The following SRGAP1 variants were observed in gnomAD, a reference collection of about 807,000 sequenced individuals.
SRGAP1 encodes SLIT-ROBO Rho GTPase-activating protein 1.
Under a neutral mutation model 121.9 loss-of-function variants are expected in SRGAP1, and 43 were observed. The observed-to-expected ratio is 0.35, with a 90% CI of 0.28 to 0.46. The LOEUF (loss-of-function observed/expected upper bound fraction) is 0.46. Ranked by LOEUF, SRGAP1 falls within the 20% of genes least tolerant of loss-of-function variation. SRGAP1 has a pLI of 1.00. For synonymous variants in SRGAP1, 447 were observed against 485.4 expected (o/e 0.92, Z 1.04); for missense variants, 1,102 against 1,350.9 (o/e 0.82, Z 2.89).
At chr12:63,897,544 A>G (rs1754227088) in intron 1 of SRGAP1, among the ~76,000 whole-genome samples, 1 of 152,214 alleles carries the variant, frequency 6.6e-6, no homozygotes, top group Non-Finnish European at 1.5e-5. Flanking sequence ...TCTAAAAGGA[A>G]TTCAGTTAGC....
At chr12:63,993,421 A>G (rs2033610390) in intron 3 of SRGAP1, among the ~76,000 whole-genome samples, 1 of 152,312 alleles carries the variant, frequency 6.6e-6, no homozygotes, top group African/African-American at 2.4e-5. Flanking sequence ...CCTATTTTCT[A>G]TCAAAATGGA....
At chr12:63,949,761 C>T (rs1327029791) in intron 1 of SRGAP1, among the ~76,000 whole-genome samples, 1 of 152,108 alleles carries the variant, frequency 6.6e-6, no homozygotes, top group African/African-American at 2.4e-5. Context: ...AATTTTATAA[C>T]TTTGAAGCAG....
chr12:64,095,231 A>G, intron 14 of SRGAP1, 27 bp downstream of exon 14: 2 of 1,600,496 alleles, frequency 1.2e-6, no homozygotes, highest in Non-Finnish European at 1.7e-6. Context: ...CCCTATAAGC[A>G]AACCACGTTG....
intron 17 of SRGAP1, among the ~76,000 whole-genome samples, chr12:64,114,989 A>G (rs1408835543): frequency 6.6e-6 from 1 of 152,184 alleles, no homozygotes; most frequent in African/African-American, 2.4e-5. Context: ...TTATCAGCAC[A>G]CAGTTGAGGA....
chr12:63,900,419 T>C (rs2029878396), intron 1 of SRGAP1, among the ~76,000 whole-genome samples: 1 of 151,760 alleles, frequency 6.6e-6, no homozygotes, highest in Non-Finnish European at 1.5e-5. Flanking sequence ...GTTAGCCAGA[T>C]AGTATCAATC....
intron 1 of SRGAP1, among the ~76,000 whole-genome samples, chr12:63,846,285 C>T (rs1231902361): frequency 6.6e-6 from 1 of 152,120 alleles, no homozygotes; most frequent in East Asian, 1.9e-4. Context: ...TCTAATGAGA[C>T]TAACCTTTCT....
At chr12:63,936,027 G>A (rs1318237035) in intron 1 of SRGAP1, among the ~76,000 whole-genome samples, 2 of 152,202 alleles carry the variant, frequency 1.3e-5, no homozygotes, top group Non-Finnish European at 2.9e-5. Flanking sequence ...TATCTCCTCT[G>A]ATGAGAGTAG....
chr12:63,978,352 C>G (rs2033147635), intron 1 of SRGAP1, among the ~76,000 whole-genome samples: 1 of 152,168 alleles, frequency 6.6e-6, no homozygotes, highest in Admixed American at 6.5e-5. Context: ...ACTTCGCACC[C>G]CTTAGCAGCC....
At chr12:63,855,381 T>C (rs1899204048) in intron 1 of SRGAP1, among the ~76,000 whole-genome samples, 1 of 151,652 alleles carries the variant, frequency 6.6e-6, no homozygotes, top group South Asian at 2.1e-4. Context: ...ATATAGTCTC[T>C]CTGGATGGCC....
intron 1 of SRGAP1, among the ~76,000 whole-genome samples, chr12:63,944,251 TTA>T (rs1217413146): frequency 6.6e-6 from 1 of 152,184 alleles, no homozygotes; most frequent in Non-Finnish European, 1.5e-5. Flanking sequence ...GGGTTTTGTC[TTA>T]GTCAGTTTGG....
intron 7 of SRGAP1, among the ~76,000 whole-genome samples, chr12:64,063,882 A>G (rs1008973048): frequency 3.3e-5 from 5 of 151,832 alleles, no homozygotes; most frequent in Admixed American, 6.6e-5. Flanking sequence ...CTTTAATGCT[A>G]TGTTTTTTTC....
At chr12:63,894,075 G>T (rs1336114552) in intron 1 of SRGAP1, among the ~76,000 whole-genome samples, 1 of 152,186 alleles carries the variant, frequency 6.6e-6, no homozygotes, top group Non-Finnish European at 1.5e-5. Context: ...CTGACCTCAG[G>T]TGATCTGCCT....
chr12:63,917,790 C>A (rs2030856222), intron 1 of SRGAP1, among the ~76,000 whole-genome samples: 1 of 150,426 alleles, frequency 6.6e-6, no homozygotes, highest in Admixed American at 6.6e-5. Context: ...ACCAATTTCC[C>A]ACCCTGCTTT....
chr12:64,125,472 A>G (rs1220468342), intron 18 of SRGAP1, among the ~76,000 whole-genome samples: 2 of 152,154 alleles, frequency 1.3e-5, no homozygotes, highest in Non-Finnish European at 2.9e-5. Context: ...CATACTATTT[A>G]TTGTGATTTT....
chr12:64,048,025 AAATTACTGTGTAGT>A (rs1296170529), intron 6 of SRGAP1, among the ~76,000 whole-genome samples: 8 of 152,170 alleles, frequency 5.3e-5, no homozygotes, highest in African/African-American at 1.7e-4. Context: ...AGTGTACAAC[AAATTACTGTGTAGT>A]AATTACTGTG....
At chr12:63,973,937 T>C (rs373033588) in intron 1 of SRGAP1, among the ~76,000 whole-genome samples, 2 of 152,218 alleles carry the variant, frequency 1.3e-5, no homozygotes, top group South Asian at 4.1e-4. Context: ...TCATTCCAAA[T>C]GCTTTTCAGG....
At chr12:64,056,437 C>G (rs113526964) in intron 6 of SRGAP1, among the ~76,000 whole-genome samples, 1,598 of 150,756 alleles carry the variant, frequency 0.011, 24 homozygotes, top group African/African-American at 0.036. Context: ...CCTGTAATCC[C>G]AACTAGTTGG....
intron 1 of SRGAP1, among the ~76,000 whole-genome samples, chr12:63,925,100 A>T (rs2031208572): frequency 6.6e-6 from 1 of 152,188 alleles, no homozygotes; most frequent in African/African-American, 2.4e-5. Context: ...GATGATTTAA[A>T]GTGAGTATGA....
intron 3 of SRGAP1, among the ~76,000 whole-genome samples, chr12:63,998,684 TACTC>T (rs1411781172): frequency 6.6e-6 from 1 of 152,128 alleles, no homozygotes; most frequent in Non-Finnish European, 1.5e-5. Context: ...ATAGAAAAAT[TACTC>T]AAGAACTGTC....
Sources: gnomAD v4.1 joint callset for allele counts (sites outside exome capture counted in the v4.1 genomes callset) on GRCh38, gnomAD v4.1.1 for gene constraint, MANE v1.5 for transcripts, NCBI Gene and HGNC (gene_info 2026-07-23, HGNC 2026-07-21) for gene names.